Variants in ACTL6A observed in about 807,000 individuals in gnomAD.
ACTL6A encodes the protein actin like 6A, also known as actin-like protein 6A.
Under a neutral mutation model 59.2 loss-of-function variants are expected in ACTL6A, and 5 were observed. The observed-to-expected ratio is 0.08, with a 90% CI of 0.04 to 0.18. The LOEUF (loss-of-function observed/expected upper bound fraction) is 0.18. ACTL6A is among the 10% of genes least tolerant of loss of function. ACTL6A has a pLI of 1.00. For synonymous variants in ACTL6A, 154 were observed against 171.8 expected (o/e 0.90, Z 0.81); for missense variants, 285 against 526.9 (o/e 0.54, Z 4.49).
Position 179,588,120 on chromosome 3 carries a change from T to C in ACTL6A, c.*110T>C, listed in dbSNP as rs375648108. On this transcript the variant is annotated 3_prime_UTR_variant, in exon 14 of 14. Transcript: ENST00000429709. ...TGTAGAATGTTTATACATTTTTGCA[T>C]ATTTCAATTTCCACTTAAATTTTTT... 1 of 792,872 alleles carries C rather than the reference T, an allele frequency of 1.3e-6. No homozygotes were observed. The allele number at this position is 792,872 out of a possible 1,614,324, so 49.1% of individuals were successfully genotyped here.
chr3:179,583,598 C>G (rs1560014557), intron 12 of ACTL6A, 150 bp downstream of exon 12: 1 of 538,812 alleles, frequency 1.9e-6, no homozygotes, highest in East Asian at 3.2e-5. Context: ...ATCCTTTAAT[C>G]GTTTTCCTAG....
intron 6 of ACTL6A, 55 bp from the exon 7 acceptor site, chr3:179,576,565 G>T: frequency 7.2e-7 from 1 of 1,380,534 alleles, no homozygotes; most frequent in East Asian, 2.3e-5. Context: ...GAGGAAATTC[G>T]TTCAAGGAAG....
intron 12 of ACTL6A, among the ~76,000 whole-genome samples, chr3:179,586,210 C>T (rs932335655): frequency 6.6e-6 from 1 of 152,096 alleles, no homozygotes; most frequent in Non-Finnish European, 1.5e-5. Context: ...AAGCCATAAT[C>T]AAAGTACTTT....
At chr3:179,565,211 C>T (rs982864871) in intron 1 of ACTL6A, among the ~76,000 whole-genome samples, 6 of 151,610 alleles carry the variant, frequency 4.0e-5, no homozygotes, top group East Asian at 1.9e-4. Flanking sequence ...CCGAGGCGGG[C>T]GGATCACTTG....
At chr3:179,573,741 AT>A (rs1179938025) in intron 4 of ACTL6A, among the ~76,000 whole-genome samples, 2 of 152,138 alleles carry the variant, frequency 1.3e-5, no homozygotes, top group African/African-American at 4.8e-5. Flanking sequence ...TTTGTTTAAC[AT>A]TTTATTTCCT....
In ACTL6A at chr3:179,584,611, CAA is replaced by C. The variant is rs11353729; in HGVS notation, c.1122+1177_1122+1178del. Among the ~76,000 whole-genome samples, 309 of 138,674 alleles carry C rather than the reference CAA, an allele frequency of 2.2e-3. 1 individual carries two copies. The highest frequency in any genetic ancestry group is 0.011 in the Middle Eastern group (3 of 272). The allele number at this position is 138,674 out of a possible 152,430, so 91.0% of individuals were successfully genotyped here. ...ATTCCAACAGAGCAAGACTCCATCT[CAA>C]AAAAAAAAAAAAATAACAAAAATTA... On this transcript the variant is annotated intron_variant, in intron 12 of 13. Transcript: ENST00000429709.
chr3:179,563,305 G>C, intron 1 of ACTL6A, 188 bp downstream of exon 1: 1 of 1,019,586 alleles, frequency 9.8e-7, no homozygotes, highest in South Asian at 1.7e-5. Context: ...CGTGCTCCTC[G>C]GGCTCCCTGA....
chr3:179,579,465 C>T (rs951932369), intron 8 of ACTL6A, among the ~76,000 whole-genome samples: 22 of 148,716 alleles, frequency 1.5e-4, no homozygotes, highest in Admixed American at 9.3e-4. Context: ...TACACACACA[C>T]ACACACACAC....
At chr3:179,587,493 T>C (rs1718539460) in intron 13 of ACTL6A, among the ~76,000 whole-genome samples, 1 of 152,134 alleles carries the variant, frequency 6.6e-6, no homozygotes, top group African/African-American at 2.4e-5. Flanking sequence ...TGGATGGTTC[T>C]GGAGGAGGGC....
chr3:179,586,699 A>C (rs1262448404), intron 13 of ACTL6A, 67 bp downstream of exon 13: 12 of 1,285,482 alleles, frequency 9.3e-6, no homozygotes, highest in Non-Finnish European at 1.3e-5. Flanking sequence ...AAAAATACAA[A>C]AAATAATTCC....
intron 8 of ACTL6A, among the ~76,000 whole-genome samples, chr3:179,577,516 G>A (rs182626147): frequency 1.8e-3 from 268 of 152,118 alleles, no homozygotes; most frequent in African/African-American, 6.0e-3. Context: ...TTTAGGTTCA[G>A]GGGTACATGT....
At position 179,583,466 on chromosome 3, in the gene ACTL6A, T is replaced by C; in HGVS notation, c.1122+18T>C. 6.4e-7 allele frequency: 1 copy of C among 1,573,274 alleles called. No individual in the cohort carries two copies. Among genetic ancestry groups the C allele is most frequent in the Admixed American group, 1.7e-5 (1 of 58,956 alleles). On this transcript the variant is annotated intron_variant, in intron 12 of 13. Transcript: ENST00000429709. The stretch of plus-strand genomic sequence containing the variant: ...CTCCTCCAGTAAGTTCTGTTTGTTC[T>C]TTAATGGTATTCTTCAGTCATATAT...
chr3:179,565,428 A>G (rs1362623472), intron 1 of ACTL6A, among the ~76,000 whole-genome samples: 1 of 149,856 alleles, frequency 6.7e-6, no homozygotes, highest in East Asian at 1.9e-4. Context: ...ACAAACATAT[A>G]TATATGTGTG....
chr3:179,579,013 G>A (rs369628116), intron 8 of ACTL6A, among the ~76,000 whole-genome samples: 1 of 152,158 alleles, frequency 6.6e-6, no homozygotes, highest in African/African-American at 2.4e-5. Context: ...AAAGTGCTGG[G>A]ATTACAGGCG....
intron 1 of ACTL6A, among the ~76,000 whole-genome samples, chr3:179,567,955 C>T (rs1717887605): frequency 6.6e-6 from 1 of 152,008 alleles, no homozygotes; most frequent in African/African-American, 2.4e-5. Flanking sequence ...GGGTGGATCA[C>T]GAGGTCAGGA....
Position 179,562,937 on chromosome 3 carries a change from A to C in ACTL6A, c.-156A>C, listed in dbSNP as rs1243669032. Reference sequence around the variant, plus strand: ...TAGGAGGAGCCAGCAAGTGTGGCTGAGCTCCGGGGTGTGTGGACGCCGCTT... The same window carrying C: ...TAGGAGGAGCCAGCAAGTGTGGCTGCGCTCCGGGGTGTGTGGACGCCGCTT... On this transcript the variant is annotated 5_prime_UTR_variant, in exon 1 of 14. Coordinates refer to ENST00000429709, the MANE Select transcript of ACTL6A (RefSeq NM_004301.5). 2.2e-6 allele frequency: 2 copies of C among 903,372 alleles called. No homozygotes were observed. The highest frequency in any genetic ancestry group is 3.5e-6 in the Non-Finnish European group (2 of 569,624). The allele number at this position is 903,372 out of a possible 1,614,324, so 56.0% of individuals were successfully genotyped here.
intron 12 of ACTL6A, among the ~76,000 whole-genome samples, chr3:179,585,872 G>T (rs1718474645): frequency 6.6e-6 from 1 of 152,152 alleles, no homozygotes; most frequent in African/African-American, 2.4e-5. Flanking sequence ...AATTTGGAAG[G>T]AAATAGTATG....
intron 13 of ACTL6A, 37 bp downstream of exon 13, chr3:179,586,669 T>A: frequency 6.8e-7 from 1 of 1,462,706 alleles, no homozygotes; most frequent in African/African-American, 1.4e-5. Context: ...ATATTCTTAC[T>A]GAATTATACT....
At chr3:179,587,866 AT>A in intron 13 of ACTL6A, 63 bp from the exon 14 acceptor site, 4 of 1,354,372 alleles carry the variant, frequency 3.0e-6, no homozygotes, top group South Asian at 1.4e-5. Flanking sequence ...AAAAAAAAAA[AT>A]TTTTTAAGCC....
Sources: allele counts gnomAD v4.1 joint callset (sites outside exome capture counted in the v4.1 genomes callset), GRCh38; gene constraint gnomAD v4.1.1; transcripts MANE v1.5; gene names NCBI Gene and HGNC (gene_info 2026-07-23, HGNC 2026-07-21).